Variants in RCL1 observed in about 807,000 individuals in gnomAD.
The protein encoded by RCL1 is RNA terminal phosphate cyclase like 1.
A neutral mutation model predicts 42.4 loss-of-function variants in RCL1; 24 were observed. The ratio of observed to expected loss-of-function variants is 0.57; its 90% CI spans 0.41 to 0.80. The LOEUF (loss-of-function observed/expected upper bound fraction) is 0.80, where lower values mean the gene tolerates loss of function less well. RCL1 is among the 30% of genes least tolerant of loss of function. The pLI is 0.00. For synonymous variants in RCL1, 228 were observed against 177.3 expected (o/e 1.29, Z -2.27); for missense variants, 578 against 467.9 (o/e 1.24, Z -2.17).
In RCL1 at chr9:4,853,607, C is replaced by A. The variant is rs565992179; in HGVS notation, c.971+4057C>A. ...AAGTGCTGGGATTACAGACGTGAGC[C>A]ACCGTGCCCGGCCAACCCATTGTGC... On this transcript the variant is annotated intron_variant, in intron 8 of 8. Coordinates refer to ENST00000381750, the MANE Select transcript of RCL1 (RefSeq NM_005772.5). 2.2e-4 allele frequency among the ~76,000 whole-genome samples: 33 copies of A among 152,244 alleles called. No homozygotes were observed. The South Asian group carries it at 5.2e-3, about 24-fold the overall frequency.
intron 1 of RCL1, among the ~76,000 whole-genome samples, chr9:4,814,337 G>A (rs541288071): frequency 9.1e-4 from 138 of 152,134 alleles, no homozygotes; most frequent in African/African-American, 3.1e-3. Flanking sequence ...ACGCTGAAGT[G>A]CAGTGATACA....
chr9:4,838,365 C>T (rs1817207440), intron 5 of RCL1, among the ~76,000 whole-genome samples: 1 of 152,242 alleles, frequency 6.6e-6, no homozygotes, highest in Admixed American at 6.5e-5. Context: ...ATGCCACCCA[C>T]TCTTTCTCAC....
intron 5 of RCL1, among the ~76,000 whole-genome samples, chr9:4,836,451 T>G (rs1392487113): frequency 3.3e-5 from 5 of 152,168 alleles, no homozygotes; most frequent in Non-Finnish European, 7.3e-5. Context: ...TAGATACATG[T>G]ACTGTGTAGG....
intron 6 of RCL1, 34 bp downstream of exon 6, chr9:4,841,391 A>C: frequency 6.4e-7 from 1 of 1,572,536 alleles, no homozygotes; most frequent in Non-Finnish European, 8.7e-7. Context: ...CTGTTTCTGC[A>C]GCTTTTTCAC....
At chr9:4,808,997 A>G (rs968029145) in intron 1 of RCL1, among the ~76,000 whole-genome samples, 2 of 152,158 alleles carry the variant, frequency 1.3e-5, no homozygotes, top group Admixed American at 1.3e-4. Flanking sequence ...TTGCTCACCA[A>G]TCATATTCCC....
At chr9:4,853,323 TC>T (rs372252173) in intron 8 of RCL1, among the ~76,000 whole-genome samples, 1 of 134,594 alleles carries the variant, frequency 7.4e-6, no homozygotes, top group Admixed American at 7.7e-5. Flanking sequence ...CCCACTGTGC[TC>T]TTTTTTTTTT....
chr9:4,806,497 C>G (rs1477631353), intron 1 of RCL1, among the ~76,000 whole-genome samples: 1 of 151,348 alleles, frequency 6.6e-6, no homozygotes, highest in African/African-American at 2.4e-5. Context: ...TGTGATTTTT[C>G]TTCTTCAGCC....
At chr9:4,842,144 T>G (rs1178243237) in intron 6 of RCL1, among the ~76,000 whole-genome samples, 2 of 152,242 alleles carry the variant, frequency 1.3e-5, no homozygotes, top group Non-Finnish European at 2.9e-5. Context: ...TTTTACTGAA[T>G]CATTTCAGTG....
At chr9:4,795,163 C>T (rs1471902145) in intron 1 of RCL1, among the ~76,000 whole-genome samples, 2 of 151,976 alleles carry the variant, frequency 1.3e-5, no homozygotes, top group Admixed American at 6.5e-5. Context: ...CTGCAACCTC[C>T]GCCTCCTGGG....
chr9:4,803,435 G>A (rs185876507), intron 1 of RCL1, among the ~76,000 whole-genome samples: 37 of 152,030 alleles, frequency 2.4e-4, no homozygotes, highest in African/African-American at 8.7e-4. Flanking sequence ...ACAATTCAAG[G>A]GAATTCTAGT....
chr9:4,841,473 T>G, intron 6 of RCL1, 116 bp downstream of exon 6: 1 of 831,316 alleles, frequency 1.2e-6, no homozygotes, highest in Non-Finnish European at 1.9e-6. Context: ...AATTTCAGAA[T>G]TAATTTCTTT....
At chr9:4,848,521 A>G (rs1363122250) in intron 7 of RCL1, among the ~76,000 whole-genome samples, 1 of 152,248 alleles carries the variant, frequency 6.6e-6, no homozygotes, top group African/African-American at 2.4e-5. Flanking sequence ...AGCCTTGGAT[A>G]GTAACGTGCC....
intron 1 of RCL1, among the ~76,000 whole-genome samples, chr9:4,797,772 T>C (rs1842936006): frequency 6.6e-6 from 1 of 152,076 alleles, no homozygotes; most frequent in Non-Finnish European, 1.5e-5. Context: ...TAGAAACAAA[T>C]GAGACACAGA....
intron 1 of RCL1, among the ~76,000 whole-genome samples, chr9:4,801,373 T>C (rs1249069157): frequency 6.6e-6 from 1 of 152,210 alleles, no homozygotes; most frequent in African/African-American, 2.4e-5. Context: ...AGTCTCGCTA[T>C]GTTGTCCAGG....
At chr9:4,828,436 A>G (rs967460047) in intron 3 of RCL1, among the ~76,000 whole-genome samples, 1 of 152,172 alleles carries the variant, frequency 6.6e-6, no homozygotes, top group African/African-American at 2.4e-5. Flanking sequence ...ATTTCTTGGA[A>G]ATTCAGCTGC....
At chr9:4,824,375 T>A (rs972892117) in intron 2 of RCL1, among the ~76,000 whole-genome samples, 2 of 21,326 alleles carry the variant, frequency 9.4e-5, no homozygotes, top group East Asian at 1.2e-3. Flanking sequence ...TCAGCCAGCA[T>A]TTTTTTTTTT....
chr9:4,812,820 G>T (rs1022912920), intron 1 of RCL1, among the ~76,000 whole-genome samples: 1 of 151,278 alleles, frequency 6.6e-6, no homozygotes, highest in Non-Finnish European at 1.5e-5. Flanking sequence ...GTATTTTATG[G>T]TTTTTTTTAG....
At chr9:4,803,921 C>T (rs1410996352) in intron 1 of RCL1, 1 of 152,598 alleles carries the variant, frequency 6.6e-6, no homozygotes, top group Non-Finnish European at 1.5e-5. Context: ...GACAGATTTC[C>T]ACTCACGGCC....
chr9:4,845,596 G>T (rs991111964), intron 7 of RCL1, among the ~76,000 whole-genome samples: 1 of 152,184 alleles, frequency 6.6e-6, no homozygotes, highest in African/African-American at 2.4e-5. Flanking sequence ...TTAGAAGAGG[G>T]TCACAAATCT....
Sources: gnomAD v4.1 joint callset for allele counts (sites outside exome capture counted in the v4.1 genomes callset) on GRCh38, gnomAD v4.1.1 for gene constraint, MANE v1.5 for transcripts, NCBI Gene and HGNC (gene_info 2026-07-23, HGNC 2026-07-21) for gene names.